Variants in GLT1D1 observed in about 807,000 individuals in gnomAD.
GLT1D1 encodes glycosyltransferase 1 domain containing 1.
Under a neutral mutation model 28.7 loss-of-function variants are expected in GLT1D1, and 21 were observed. The observed-to-expected ratio is 0.73, with a 90% CI of 0.52 to 1.05. The LOEUF is 1.05. GLT1D1 is among the 50% of genes least tolerant of loss of function. The pLI is 0.00. For missense variants in GLT1D1, 343 were observed against 330.6 expected (o/e 1.04, Z -0.29); for synonymous variants, 147 against 124.8 (o/e 1.18, Z -1.19).
Position 128,944,691 on chromosome 12 carries a change from C to A in GLT1D1, c.376-635C>A. On this transcript the variant is annotated intron_variant, in intron 4 of 7. Transcript: ENST00000281703. Reference sequence around the variant, plus strand: ...GTGTCCTTGGAAAACTATCCAACAGCTAGACTGGGTGAGATTTTGCAGTTC... The same window carrying A: ...GTGTCCTTGGAAAACTATCCAACAGATAGACTGGGTGAGATTTTGCAGTTC... 4.4e-6 allele frequency: 3 copies of A among 686,724 alleles called. No homozygotes were observed. The South Asian group carries it at 4.5e-5, about 10-fold the overall frequency. 42.5% of individuals were successfully genotyped at this position (686,724 alleles called of 1,614,324 possible).
chr12:128,853,576 G>C lies in GLT1D1; in HGVS notation c.-6G>C. On this transcript the variant is annotated 5_prime_UTR_variant, in exon 1 of 8. Transcript: ENST00000281703. ...GCCGGTCGATGGCCCGGGCGGCGGCGGCGGCATGCGGCTCCTGTTCCTGGC... is the reference window on the plus strand; with the variant it reads ...GCCGGTCGATGGCCCGGGCGGCGGCCGCGGCATGCGGCTCCTGTTCCTGGC... 1 of 1,118,694 alleles carries C rather than the reference G, an allele frequency of 8.9e-7. No homozygotes were observed. The highest frequency in any genetic ancestry group is 1.1e-6 in the Non-Finnish European group (1 of 912,022). The allele number at this position is 1,118,694 out of a possible 1,614,324, so 69.3% of individuals were successfully genotyped here.
intron 4 of GLT1D1, chr12:128,906,783 C>T: frequency 2.5e-6 from 1 of 398,188 alleles, no homozygotes; most frequent in Non-Finnish European, 4.8e-6. Context: ...AATTTATCTA[C>T]TTTGCCTTGG....
intron 4 of GLT1D1, among the ~76,000 whole-genome samples, chr12:128,908,566 C>T (rs1871194202): frequency 6.7e-6 from 1 of 149,712 alleles, no homozygotes; most frequent in Non-Finnish European, 1.5e-5. Context: ...GTTCTCCTAC[C>T]CAAGGCGGAA....
intron 4 of GLT1D1, among the ~76,000 whole-genome samples, chr12:128,922,297 T>TA (rs1413695592): frequency 1.3e-5 from 2 of 152,170 alleles, no homozygotes; most frequent in Admixed American, 6.5e-5. Context: ...TCCTTTGTAA[T>TA]TAGTAAGTAA....
chr12:128,908,950 A>AAAAT (rs377518306), intron 4 of GLT1D1, among the ~76,000 whole-genome samples: 18,848 of 151,110 alleles, frequency 0.12, 1,255 homozygotes, highest in East Asian at 0.23. Context: ...CTCCGTCTCA[A>AAAAT]AAATAAATAA....
intron 7 of GLT1D1, among the ~76,000 whole-genome samples, chr12:128,972,023 C>G (rs1339115791): frequency 6.6e-6 from 1 of 151,570 alleles, no homozygotes; most frequent in Non-Finnish European, 1.5e-5. Flanking sequence ...CTGTCGCACA[C>G]GTCAAGGCTC....
At chr12:128,945,872 T>C (rs1189094399) in intron 5 of GLT1D1, among the ~76,000 whole-genome samples, 1 of 152,162 alleles carries the variant, frequency 6.6e-6, no homozygotes, top group African/African-American at 2.4e-5. Context: ...GTGGCTCCCA[T>C]CCTGAAGGTG....
At chr12:128,933,229 A>C (rs1194402951) in intron 4 of GLT1D1, among the ~76,000 whole-genome samples, 1 of 152,252 alleles carries the variant, frequency 6.6e-6, no homozygotes, top group East Asian at 1.9e-4. Flanking sequence ...CTAGTTCCTC[A>C]GCCGACGTCA....
At position 128,965,810 on chromosome 12, in the gene GLT1D1, G is replaced by A. The variant is rs948775957; in HGVS notation, c.639+8167G>A. Among the ~76,000 whole-genome samples the A allele has an allele frequency of 8.6e-5, 13 of 152,034 alleles. No homozygotes were observed. In the East Asian group the frequency reaches 1.2e-3, roughly 14 times the overall value. The stretch of plus-strand genomic sequence containing the variant: ...CTGGGGAGGCTGAGGCGGGAGGACC[G>A]CTTTAGCCTGGGTGATGGAAGTTGC... On this transcript the variant is annotated intron_variant, in intron 7 of 7. Coordinates refer to ENST00000281703, the MANE Select transcript of GLT1D1 (RefSeq NM_144669.3).
rs117630201 is a variant in GLT1D1, at chr12:128,960,101, A to G, written c.639+2458A>G. Among the ~76,000 whole-genome samples, 470 of 152,296 alleles carry G rather than the reference A, an allele frequency of 3.1e-3. 4 individuals carry two copies. The highest frequency in any genetic ancestry group is 0.028 in the South Asian group (137 of 4,826). ...GCGAGTTACCGGCTTCCTGTGAGCC[A>G]TCAGACACGACTCTGCGGCACTCAC... On this transcript the variant is annotated intron_variant, in intron 7 of 7. Transcript: ENST00000281703.
intron 4 of GLT1D1, chr12:128,944,483 G>T (rs1875757029): frequency 2.5e-6 from 3 of 1,221,638 alleles, no homozygotes; most frequent in Non-Finnish European, 3.6e-6. Flanking sequence ...TGAATGAGCG[G>T]CTCCCCTGTC....
chr12:128,887,530 CAA>C (rs200471107), intron 2 of GLT1D1, among the ~76,000 whole-genome samples: 19 of 143,868 alleles, frequency 1.3e-4, no homozygotes, highest in Admixed American at 7.7e-4. Flanking sequence ...CACAGAGCTC[CAA>C]AAAAAAAGAG....
intron 4 of GLT1D1, among the ~76,000 whole-genome samples, chr12:128,903,230 G>T (rs183316250): frequency 2.0e-5 from 3 of 151,714 alleles, no homozygotes; most frequent in African/African-American, 7.3e-5. Flanking sequence ...AAACACGCAG[G>T]GTGGCCTCAC....
intron 4 of GLT1D1, among the ~76,000 whole-genome samples, chr12:128,917,739 C>A (rs1002251213): frequency 2.0e-5 from 3 of 152,186 alleles, no homozygotes; most frequent in Non-Finnish European, 4.4e-5. Flanking sequence ...ATCCACTGAT[C>A]ATTAGAGAAA....
intron 4 of GLT1D1, among the ~76,000 whole-genome samples, chr12:128,925,447 C>T (rs1873110098): frequency 6.6e-6 from 1 of 152,234 alleles, no homozygotes; most frequent in Non-Finnish European, 1.5e-5. Context: ...TTAGTTTTCT[C>T]TGCCTGCATT....
intron 7 of GLT1D1, 22 bp from the exon 12 acceptor site, chr12:128,982,907 A>G (rs764757497): frequency 2.5e-6 from 4 of 1,612,318 alleles, no homozygotes; most frequent in Non-Finnish European, 3.4e-6. Flanking sequence ...ATTTATGTCT[A>G]CTTCTCCTTC....
chr12:128,905,338 G>A (rs960856544), intron 4 of GLT1D1, among the ~76,000 whole-genome samples: 18 of 151,644 alleles, frequency 1.2e-4, no homozygotes, highest in African/African-American at 3.7e-4. Context: ...ACGTGGCCAC[G>A]TGTGGCGAGG....
chr12:128,950,804 G>A (rs1565907276), intron 6 of GLT1D1, among the ~76,000 whole-genome samples: 1 of 152,210 alleles, frequency 6.6e-6, no homozygotes, highest in Non-Finnish European at 1.5e-5. Flanking sequence ...AGAGCTTGGA[G>A]AGCTCATCTG....
chr12:128,937,833 C>T (rs903875777), intron 4 of GLT1D1, among the ~76,000 whole-genome samples: 2 of 152,146 alleles, frequency 1.3e-5, no homozygotes, highest in Admixed American at 6.5e-5. Context: ...TCCCTTCCAC[C>T]ATGATTGTAA....
Sources: gnomAD v4.1 joint callset for allele counts (sites outside exome capture counted in the v4.1 genomes callset) on GRCh38, gnomAD v4.1.1 for gene constraint, MANE v1.5 for transcripts, NCBI Gene and HGNC (gene_info 2026-07-23, HGNC 2026-07-21) for gene names.